PCDH9: variants seen among roughly 807,000 people sequenced by gnomAD.
PCDH9 encodes protocadherin 9.
Under a neutral mutation model 70.6 loss-of-function variants are expected in PCDH9, and 24 were observed. That is an observed-to-expected ratio of 0.34 (90% CI 0.25 to 0.48). PCDH9 has a LOEUF of 0.48. Ranked by LOEUF, PCDH9 falls within the 20% of genes least tolerant of loss-of-function variation. The pLI is 0.99. For synonymous variants in PCDH9, 562 were observed against 558.5 expected, an observed-to-expected ratio of 1.01 and a Z score of -0.09; for missense variants, 1,281 against 1,503.6, an observed-to-expected ratio of 0.85 and a Z score of 2.45.
At chr13:66,578,008 T>C (rs555966471) in intron 4 of PCDH9, among the ~76,000 whole-genome samples, 1 of 152,160 alleles carries the variant, frequency 6.6e-6, no homozygotes, top group Admixed American at 6.5e-5. Context: ...AAATTAATAT[T>C]TGTCTCTATG....
At chr13:66,540,487 T>C (rs754059515) in intron 4 of PCDH9, among the ~76,000 whole-genome samples, 3 of 152,180 alleles carry the variant, frequency 2.0e-5, no homozygotes, top group Non-Finnish European at 4.4e-5. Flanking sequence ...TTTTTTTACA[T>C]AGCAACTAAA....
In PCDH9 at chr13:67,009,376, G is replaced by A. The variant is rs145891992; in HGVS notation, c.3037-105771C>T. Among the ~76,000 whole-genome samples the A allele has an allele frequency of 2.5e-3, 382 of 152,146 alleles. 5 individuals carry two copies. The highest frequency in any genetic ancestry group is 6.2e-3 in the East Asian group (32 of 5,188). On this transcript the variant is annotated intron_variant, in intron 2 of 4. Transcript: ENST00000377865. ...AAATTTCTTTTGCTAGATAGAGGTGGGTTTATTGGGAAATTGACACAAAAG... is the reference window on the plus strand; with the variant it reads ...AAATTTCTTTTGCTAGATAGAGGTGAGTTTATTGGGAAATTGACACAAAAG...
intron 4 of PCDH9, among the ~76,000 whole-genome samples, chr13:66,607,483 A>G (rs2077235809): frequency 2.0e-5 from 3 of 152,196 alleles, no homozygotes; most frequent in Middle Eastern, 6.8e-3. Context: ...AGCCCCTACA[A>G]TATGAACTAC....
chr13:66,636,301 C>T (rs1203271403), intron 3 of PCDH9, among the ~76,000 whole-genome samples: 1 of 152,012 alleles, frequency 6.6e-6, no homozygotes, highest in Admixed American at 6.6e-5. Context: ...AGAACAGAAA[C>T]ATTTGATATA....
At chr13:67,041,773 G>A (rs1277263494) in intron 2 of PCDH9, among the ~76,000 whole-genome samples, 2 of 148,830 alleles carry the variant, frequency 1.3e-5, no homozygotes, top group African/African-American at 5.0e-5. Flanking sequence ...AGAGCTTGCA[G>A]TGAGCCGAGA....
At chr13:67,102,316 T>C (rs1262455133) in intron 2 of PCDH9, among the ~76,000 whole-genome samples, 1 of 152,040 alleles carries the variant, frequency 6.6e-6, no homozygotes, top group Non-Finnish European at 1.5e-5. Context: ...GGTCTTGCAA[T>C]CTCTAGATCT....
intron 4 of PCDH9, among the ~76,000 whole-genome samples, chr13:66,425,901 G>C (rs1957660152): frequency 6.6e-6 from 1 of 151,652 alleles, no homozygotes. Flanking sequence ...GGTGACTCAT[G>C]AGGTCATTAT....
intron 4 of PCDH9, among the ~76,000 whole-genome samples, chr13:66,515,476 A>T (rs1304263672): frequency 2.0e-5 from 3 of 152,018 alleles, no homozygotes; most frequent in East Asian, 3.8e-4. Flanking sequence ...GTAAAATTTT[A>T]AAAAATAAAA....
intron 2 of PCDH9, among the ~76,000 whole-genome samples, chr13:67,041,149 G>A (rs1016932137): frequency 6.6e-6 from 1 of 152,100 alleles, no homozygotes; most frequent in Non-Finnish European, 1.5e-5. Context: ...CCAAAGCAAA[G>A]GGTATTTTAT....
At chr13:66,328,641 A>T (rs1176922489) in intron 4 of PCDH9, among the ~76,000 whole-genome samples, 1 of 152,102 alleles carries the variant, frequency 6.6e-6, no homozygotes, top group Non-Finnish European at 1.5e-5. Context: ...ATTCTTTCCA[A>T]TTGATCCATG....
At chr13:67,111,670 T>C (rs1392021773) in intron 2 of PCDH9, among the ~76,000 whole-genome samples, 2 of 152,202 alleles carry the variant, frequency 1.3e-5, no homozygotes, top group African/African-American at 4.8e-5. Flanking sequence ...TTCTTAGTTA[T>C]TTAAGTGGGA....
At chr13:67,136,558 TC>T (rs772565548) in intron 2 of PCDH9, among the ~76,000 whole-genome samples, 32 of 152,234 alleles carry the variant, frequency 2.1e-4, no homozygotes, top group Non-Finnish European at 3.4e-4. Flanking sequence ...CTTTGAGAAT[TC>T]AATATGCTGT....
intron 3 of PCDH9, among the ~76,000 whole-genome samples, chr13:66,735,976 T>C (rs2079142329): frequency 6.6e-6 from 1 of 151,414 alleles, no homozygotes; most frequent in Admixed American, 6.6e-5. Flanking sequence ...AAAAAAAAAA[T>C]TAAAGATTAA....
intron 4 of PCDH9, among the ~76,000 whole-genome samples, chr13:66,336,784 C>T (rs1277619386): frequency 6.6e-6 from 1 of 151,964 alleles, no homozygotes; most frequent in African/African-American, 2.4e-5. Context: ...AGCATAGAAA[C>T]TATTTTTTGG....
chr13:67,046,097 TGC>T (rs1267816467), intron 2 of PCDH9, among the ~76,000 whole-genome samples: 1 of 152,190 alleles, frequency 6.6e-6, no homozygotes, highest in Non-Finnish European at 1.5e-5. Context: ...CAGTGGCCCA[TGC>T]TATTATTCAA....
intron 2 of PCDH9, among the ~76,000 whole-genome samples, chr13:67,100,415 G>A (rs1301080540): frequency 6.6e-6 from 1 of 152,088 alleles, no homozygotes; most frequent in East Asian, 1.9e-4. Flanking sequence ...TTAAACATAT[G>A]TGTAAAGTGC....
At position 66,391,904 on chromosome 13, in the gene PCDH9, A is replaced by ATATATATATATG. The variant is rs1957025435; in HGVS notation, c.3341-86877_3341-86876insCATATATATATA. ...TATGCATATATATATATATATATAT[A>ATATATATATATG]TGTTTGTGCATACATACACACAATC... On this transcript the variant is annotated intron_variant, in intron 4 of 4. Coordinates refer to ENST00000377865, the MANE Select transcript of PCDH9 (RefSeq NM_203487.3). Among the ~76,000 whole-genome samples, 8 of 148,872 alleles carry ATATATATATATG rather than the reference A, an allele frequency of 5.4e-5. 1 individual carries two copies. In the Admixed American group the frequency reaches 5.4e-4, roughly 10 times the overall value.
intron 2 of PCDH9, among the ~76,000 whole-genome samples, chr13:67,195,557 C>T (rs1018491777): frequency 1.2e-4 from 18 of 152,188 alleles, no homozygotes; most frequent in Non-Finnish European, 2.1e-4. Flanking sequence ...AGTTATTAGA[C>T]TTTACCAGAA....
intron 4 of PCDH9, among the ~76,000 whole-genome samples, chr13:66,364,366 G>C (rs930655787): frequency 6.6e-6 from 1 of 152,100 alleles, no homozygotes; most frequent in Non-Finnish European, 1.5e-5. Context: ...AATTATGATT[G>C]AGTATATGAT....
Sources: gnomAD v4.1 joint callset for allele counts (sites outside exome capture counted in the v4.1 genomes callset) on GRCh38, gnomAD v4.1.1 for gene constraint, MANE v1.5 for transcripts, NCBI Gene and HGNC (gene_info 2026-07-23, HGNC 2026-07-21) for gene names.